Variants in FAF1 observed in about 807,000 individuals in gnomAD.
FAF1 encodes the protein FAS-associated factor 1.
A neutral mutation model predicts 92.5 loss-of-function variants in FAF1; 25 were observed. The observed-to-expected ratio is 0.27, with a 90% CI of 0.20 to 0.38. The LOEUF is 0.38. FAF1 is among the 10% of genes least tolerant of loss of function. The pLI, the probability that FAF1 is intolerant of heterozygous loss-of-function variation, is 1.00. For missense variants in FAF1, 636 were observed against 793.3 expected (o/e 0.80, Z 2.38); for synonymous variants, 234 against 273.2 (o/e 0.86, Z 1.42).
chr1:50,592,525 G>A (rs1356780056), intron 9 of FAF1, among the ~76,000 whole-genome samples: 1 of 152,168 alleles, frequency 6.6e-6, no homozygotes, highest in East Asian at 1.9e-4. Context: ...CCAGAGAGAT[G>A]ATGTAAGAAT....
chr1:50,889,280 A>G (rs539774781), intron 1 of FAF1, among the ~76,000 whole-genome samples: 3 of 73,560 alleles, frequency 4.1e-5, no homozygotes, highest in Non-Finnish European at 1.0e-4. Context: ...TCTTGCTAGC[A>G]GTCTATCAAT....
chr1:50,652,828 CT>C (rs1184973202), intron 8 of FAF1, among the ~76,000 whole-genome samples: 1 of 152,234 alleles, frequency 6.6e-6, no homozygotes, highest in East Asian at 1.9e-4. Context: ...ATTACAATAA[CT>C]TTTTTTGCAG....
chr1:50,947,182 C>A (rs1570174043), intron 1 of FAF1, among the ~76,000 whole-genome samples: 1 of 996 alleles, frequency 1.0e-3, no homozygotes, highest in African/African-American at 1.4e-3. Context: ...CAAATTCAAC[C>A]ACTACTTCCC....
chr1:50,483,191 C>T (rs1646722983), intron 17 of FAF1, among the ~76,000 whole-genome samples: 1 of 151,398 alleles, frequency 6.6e-6, no homozygotes, highest in Non-Finnish European at 1.5e-5. Context: ...CATTTTAAAA[C>T]TGGTTTTCTA....
intron 7 of FAF1, among the ~76,000 whole-genome samples, chr1:50,692,824 G>A (rs989680908): frequency 3.9e-5 from 6 of 152,100 alleles, no homozygotes; most frequent in Admixed American, 3.9e-4. Flanking sequence ...GACTAAAGAT[G>A]TTGGGCAACT....
At chr1:50,614,721 C>T (rs1286137256) in intron 8 of FAF1, among the ~76,000 whole-genome samples, 2 of 151,862 alleles carry the variant, frequency 1.3e-5, no homozygotes, top group East Asian at 3.9e-4. Context: ...TGCCTGTAAT[C>T]CCAGCTACTA....
intron 12 of FAF1, among the ~76,000 whole-genome samples, chr1:50,573,648 G>A (rs1463124370): frequency 6.6e-6 from 1 of 152,104 alleles, no homozygotes; most frequent in East Asian, 1.9e-4. Flanking sequence ...AAATTGGAGA[G>A]GTTCCAAAAA....
At chr1:50,884,521 CAA>C (rs560254938) in intron 1 of FAF1, among the ~76,000 whole-genome samples, 16 of 90,566 alleles carry the variant, frequency 1.8e-4, no homozygotes, top group Non-Finnish European at 1.9e-4. Flanking sequence ...GACTCTGTCT[CAA>C]AAAAAAAAAA....
rs530889036 is a variant in FAF1, at chr1:50,512,767, T to G, written c.1495-20966A>C. Reference sequence around the variant, plus strand: ...CTTAAAGTAGTTTTTTCTAATTCTGTGAAGAAAGTCAATGGTAGCTAGATG... The same window carrying G: ...CTTAAAGTAGTTTTTTCTAATTCTGGGAAGAAAGTCAATGGTAGCTAGATG... On this transcript the variant is annotated intron_variant, in intron 15 of 18. Coordinates refer to ENST00000396153, the MANE Select transcript of FAF1 (RefSeq NM_007051.3). 3.3e-5 allele frequency among the ~76,000 whole-genome samples: 5 copies of G among 152,346 alleles called. No individual in the cohort carries two copies. The East Asian group carries it at 9.6e-4, about 29-fold the overall frequency.
intron 6 of FAF1, among the ~76,000 whole-genome samples, chr1:50,736,335 A>T (rs1457190868): frequency 6.6e-6 from 1 of 152,246 alleles, no homozygotes; most frequent in Non-Finnish European, 1.5e-5. Context: ...CTGCAAAAGC[A>T]AATCAGTTTG....
At chr1:50,505,629 T>G (rs1647049722) in intron 15 of FAF1, among the ~76,000 whole-genome samples, 1 of 152,212 alleles carries the variant, frequency 6.6e-6, no homozygotes, top group Non-Finnish European at 1.5e-5. Flanking sequence ...GGCCTGTTTT[T>G]GTAAATAAAA....
intron 4 of FAF1, among the ~76,000 whole-genome samples, chr1:50,777,280 A>G (rs1394577392): frequency 6.6e-6 from 1 of 151,698 alleles, no homozygotes; most frequent in African/African-American, 2.4e-5. Context: ...TTTGCCAAAC[A>G]TGGTGGCGTG....
Position 50,833,886 on chromosome 1 carries a change from T to C in FAF1, c.114+24043A>G, listed in dbSNP as rs370024274. On this transcript the variant is annotated intron_variant, in intron 2 of 18. Transcript: ENST00000396153. ...ACAATTATTTCTCCTTTTCCAAATA[T>C]TGATCACATTCCAGGCGCTCATGAA... 1.9e-4 allele frequency among the ~76,000 whole-genome samples: 29 copies of C among 152,368 alleles called. No individual in the cohort carries two copies. The South Asian group carries it at 4.6e-3, about 24-fold the overall frequency.
At position 50,519,028 on chromosome 1, in the gene FAF1, A is replaced by T. The variant is rs887117985; in HGVS notation, c.1494+16341T>A. On this transcript the variant is annotated intron_variant, in intron 15 of 18. Coordinates refer to ENST00000396153, the MANE Select transcript of FAF1 (RefSeq NM_007051.3). Reference sequence around the variant, plus strand: ...TGGGCAGTTGATAATTCCAAAAGCAAATCTATTAAAATAGTTTTCACGGCC... The same window carrying T: ...TGGGCAGTTGATAATTCCAAAAGCATATCTATTAAAATAGTTTTCACGGCC... Among the ~76,000 whole-genome samples, 4 of 152,074 alleles carry T rather than the reference A, an allele frequency of 2.6e-5. No homozygotes were observed. The South Asian group carries it at 8.3e-4, about 32-fold the overall frequency.
intron 1 of FAF1, among the ~76,000 whole-genome samples, chr1:50,928,084 T>C (rs1008084125): frequency 3.6e-4 from 55 of 152,232 alleles, no homozygotes; most frequent in African/African-American, 1.3e-3. Context: ...CTGGATGATG[T>C]TCACAGCCAG....
chr1:50,487,762 C>T (rs1372381398), intron 17 of FAF1, among the ~76,000 whole-genome samples: 1 of 152,150 alleles, frequency 6.6e-6, no homozygotes, highest in Admixed American at 6.6e-5. Flanking sequence ...ATAATCAAAA[C>T]AATAAAACCA....
At chr1:50,479,177 T>A (rs1274774278) in intron 17 of FAF1, among the ~76,000 whole-genome samples, 1 of 151,696 alleles carries the variant, frequency 6.6e-6, no homozygotes, top group South Asian at 2.1e-4. Context: ...CTCATAGGAA[T>A]AGAGCCGATA....
chr1:50,954,802 C>A (rs977313179), intron 1 of FAF1, among the ~76,000 whole-genome samples: 1 of 152,158 alleles, frequency 6.6e-6, no homozygotes, highest in Non-Finnish European at 1.5e-5. Context: ...CTCGGCCTCC[C>A]AAGGTGCTGA....
Position 50,779,031 on chromosome 1 carries a change from T to A in FAF1, c.367+8969A>T, listed in dbSNP as rs182996830. Among the ~76,000 whole-genome samples, 146 of 152,300 alleles carry A rather than the reference T, an allele frequency of 9.6e-4. 2 individuals carry two copies. The highest frequency in any genetic ancestry group is 3.5e-3 in the African/African-American group (145 of 41,578). Reference sequence around the variant, plus strand: ...TAAGTTTATGTCACATTCTAAATCCTTTTTTTGTCATTTCAACCATGTTTA... The same window carrying A: ...TAAGTTTATGTCACATTCTAAATCCATTTTTTGTCATTTCAACCATGTTTA... On this transcript the variant is annotated intron_variant, in intron 4 of 18. Coordinates refer to ENST00000396153, the MANE Select transcript of FAF1 (RefSeq NM_007051.3).
Sources: gnomAD v4.1 joint callset for allele counts (sites outside exome capture counted in the v4.1 genomes callset) on GRCh38, gnomAD v4.1.1 for gene constraint, MANE v1.5 for transcripts, NCBI Gene and HGNC (gene_info 2026-07-23, HGNC 2026-07-21) for gene names.